CPEB4: variants seen among roughly 807,000 people sequenced by gnomAD.
CPEB4 encodes the protein cytoplasmic polyadenylation element binding protein 4.
Under a neutral mutation model 72.5 loss-of-function variants are expected in CPEB4, and 12 were observed. The observed-to-expected ratio is 0.17, with a 90% CI of 0.11 to 0.27. The LOEUF is 0.27. Among genes scored for constraint, CPEB4 ranks in the 10% least tolerant of loss-of-function variants. The pLI, the probability that CPEB4 is intolerant of heterozygous loss-of-function variation, is 1.00. For missense variants in CPEB4, 614 were observed against 908.5 expected, an observed-to-expected ratio of 0.68 and a Z score of 4.17; for synonymous variants, 302 against 326.3, an observed-to-expected ratio of 0.93 and a Z score of 0.80.
intron 1 of CPEB4, among the ~76,000 whole-genome samples, chr5:173,903,580 A>G (rs933133954): frequency 6.6e-6 from 1 of 152,226 alleles, no homozygotes; most frequent in African/African-American, 2.4e-5. Context: ...CAAGAACTCC[A>G]GGTGATTCTG....
At chr5:173,901,055 G>T (rs1390445751) in intron 1 of CPEB4, among the ~76,000 whole-genome samples, 1 of 152,136 alleles carries the variant, frequency 6.6e-6, no homozygotes, top group Non-Finnish European at 1.5e-5. Flanking sequence ...AAGAAGAAAA[G>T]GTCTATTGAT....
At chr5:173,953,010 G>T in intron 8 of CPEB4, 81 bp from the exon 9 acceptor site, 1 of 1,103,452 alleles carries the variant, frequency 9.1e-7, no homozygotes, top group Non-Finnish European at 1.3e-6. Context: ...GAGTACAGAT[G>T]AATTGCTTTT....
chr5:173,953,697 A>G (rs1758283713), intron 9 of CPEB4, among the ~76,000 whole-genome samples: 1 of 146,754 alleles, frequency 6.8e-6, no homozygotes, highest in South Asian at 2.1e-4. Flanking sequence ...AGCAAGCCCT[A>G]TTTCTCAATG....
At chr5:173,951,995 T>G in intron 8 of CPEB4, 57 bp downstream of exon 8, 35 of 1,085,906 alleles carry the variant, frequency 3.2e-5, no homozygotes, top group Non-Finnish European at 4.7e-5. Context: ...TATGAAGATC[T>G]TCAGGATAAA....
At chr5:173,910,735 C>T (rs1222539619) in intron 2 of CPEB4, 131 bp downstream of exon 2, 1 of 638,240 alleles carries the variant, frequency 1.6e-6, no homozygotes. Flanking sequence ...CAATTTTACA[C>T]ATATACCTCT....
rs1035874180 is a variant in CPEB4, at chr5:173,956,346, C to T, written c.*209C>T. 1 of 461,234 alleles carries T rather than the reference C, an allele frequency of 2.2e-6. No homozygotes were observed. The highest frequency in any genetic ancestry group is 2.0e-5 in the African/African-American group (1 of 50,614). 28.6% of individuals were successfully genotyped at this position (461,234 alleles called of 1,614,324 possible). On this transcript the variant is annotated 3_prime_UTR_variant, in exon 10 of 10. Transcript: ENST00000265085. ...AATATGAACTCCTTTTTCGTATTGC[C>T]ATCGGGTTGCATGGAAGTTTTATTC... is the stretch of plus-strand genomic sequence containing the variant.
At chr5:173,924,255 GA>G (rs1442126175) in intron 2 of CPEB4, among the ~76,000 whole-genome samples, 1 of 152,140 alleles carries the variant, frequency 6.6e-6, no homozygotes, top group Non-Finnish European at 1.5e-5. Context: ...TTATTGAAAA[GA>G]AAAATTTTAG....
intron 1 of CPEB4, among the ~76,000 whole-genome samples, chr5:173,897,989 A>G (rs1756086227): frequency 6.6e-6 from 1 of 152,178 alleles, no homozygotes; most frequent in African/African-American, 2.4e-5. Context: ...TCAGCTACCT[A>G]TAGGTGCTCA....
In CPEB4 at chr5:173,900,889, C is replaced by G. The variant is rs116140991; in HGVS notation, c.1126-9634C>G. Reference sequence around the variant, plus strand: ...AGATTTATAAGGGAGGTGCTATTATCCTCGTTTTGCTGATGAAATTAAGGT... The same window carrying G: ...AGATTTATAAGGGAGGTGCTATTATGCTCGTTTTGCTGATGAAATTAAGGT... On this transcript the variant is annotated intron_variant, in intron 1 of 9. Coordinates refer to ENST00000265085, the MANE Select transcript of CPEB4 (RefSeq NM_030627.4). This position sits in a 1 kb window ranked among gnomAD's most constrained non-coding sequence, Gnocchi z 4.4. Among the ~76,000 whole-genome samples, 2,470 of 152,200 alleles carry G rather than the reference C, an allele frequency of 0.016. 31 individuals carry two copies. The highest frequency in any genetic ancestry group is 0.048 in the South Asian group (233 of 4,812).
Position 173,910,168 on chromosome 5 carries a change from A to G in CPEB4, c.1126-355A>G, listed in dbSNP as rs114463772. Reference sequence around the variant, plus strand: ...GATAACTAGTGGGACAAGTTTGGAAAGCTTTGCCACGTTTTTGCAATCTTA... The same window carrying G: ...GATAACTAGTGGGACAAGTTTGGAAGGCTTTGCCACGTTTTTGCAATCTTA... On this transcript the variant is annotated intron_variant, in intron 1 of 9. Coordinates refer to ENST00000265085, the MANE Select transcript of CPEB4 (RefSeq NM_030627.4). 4.3e-3 allele frequency among the ~76,000 whole-genome samples: 658 copies of G among 152,288 alleles called. 3 individuals are homozygous for G. Among genetic ancestry groups the G allele is most frequent in the Admixed American group, 7.5e-3 (115 of 15,300 alleles).
At position 173,904,138 on chromosome 5, in the gene CPEB4, C is replaced by T. The variant is rs542412294; in HGVS notation, c.1126-6385C>T. 2.0e-5 allele frequency among the ~76,000 whole-genome samples: 3 copies of T among 152,280 alleles called. No homozygotes were observed. In the South Asian group the frequency reaches 6.2e-4, roughly 32 times the overall value. On this transcript the variant is annotated intron_variant, in intron 1 of 9. Coordinates refer to ENST00000265085, the MANE Select transcript of CPEB4 (RefSeq NM_030627.4). ...TTCATGATTACTAAGCTCACATGTTCTAGAGTCAGAAGGTCTGGGTTCACA... is the reference window on the plus strand; with the variant it reads ...TTCATGATTACTAAGCTCACATGTTTTAGAGTCAGAAGGTCTGGGTTCACA...
intron 2 of CPEB4, among the ~76,000 whole-genome samples, chr5:173,923,494 G>T (rs1474593830): frequency 6.6e-6 from 1 of 152,100 alleles, no homozygotes; most frequent in Non-Finnish European, 1.5e-5. Flanking sequence ...AGAGCCATTT[G>T]TCAAAATTAT....
chr5:173,938,487 A>C (rs1757709772), intron 3 of CPEB4, among the ~76,000 whole-genome samples: 1 of 151,742 alleles, frequency 6.6e-6, no homozygotes. Context: ...CAACCTCCCA[A>C]AGTGCTGGGG....
At chr5:173,922,075 A>G (rs1371171428) in intron 2 of CPEB4, among the ~76,000 whole-genome samples, 1 of 152,218 alleles carries the variant, frequency 6.6e-6, no homozygotes, top group Non-Finnish European at 1.5e-5. Flanking sequence ...TACAAGGGTC[A>G]ATATAGGAGG....
In CPEB4 at chr5:173,890,764, A is replaced by C; in HGVS notation, c.1031A>C (p.Gln344Pro). 6.2e-7 allele frequency: 1 copy of C among 1,614,214 alleles called. No individual in the cohort carries two copies. Among genetic ancestry groups the C allele is most frequent in the Non-Finnish European group, 8.5e-7 (1 of 1,180,034 alleles). ...AAAAATTTTGCAAGCAATCATATTC[A>C]GCTCCAGAAGTATGCTCGCCCCAGC... ...LKKNFASNHI[Q>P]LQKYARPSSA... Residue 344 changes from glutamine to proline, a missense_variant, in exon 1 of 10, where the codon CAG becomes CCG. Physicochemically the swap from Gln to Pro is moderately conservative, Grantham distance 76 (BLOSUM62 -1). Transcript: ENST00000265085.
Position 173,890,757 on chromosome 5 carries a change from C to A in CPEB4, c.1024C>A (p.His342Asn), listed in dbSNP as rs1755783064. Reference sequence around the variant, plus strand: ...TTTGAAGAAAAATTTTGCAAGCAATCATATTCAGCTCCAGAAGTATGCTCG... The same window carrying A: ...TTTGAAGAAAAATTTTGCAAGCAATAATATTCAGCTCCAGAAGTATGCTCG... ...SPLKKNFASNHIQLQKYARPS... is the reference protein window; with the variant it reads ...SPLKKNFASNNIQLQKYARPS... The change falls in exon 1 of 10, where the codon CAT (histidine) becomes AAT (asparagine). Residue 342 changes from histidine to asparagine, a missense_variant. Physicochemically the swap from His to Asn is moderately conservative, Grantham distance 68. Around this residue, in one of 5 missense-constraint regions of CPEB4, gnomAD observed 458 missense variants for 548.6 expected, o/e 0.83. Transcript: ENST00000265085. The A allele has an allele frequency of 1.2e-6, 2 of 1,614,084 alleles. No homozygotes were observed. The highest frequency in any genetic ancestry group is 1.7e-6 in the Non-Finnish European group (2 of 1,180,044).
In CPEB4 at chr5:173,889,680, T is replaced by G; in HGVS notation, c.-54T>G. On this transcript the variant is annotated 5_prime_UTR_variant, in exon 1 of 10. Transcript: ENST00000265085. ...TTTGGGGTAGAGGAAAAAAAAGGCG[T>G]GAGACATCAGGTTGTCATTTTTTAT... 6 of 1,459,640 alleles carry G rather than the reference T, an allele frequency of 4.1e-6. No individual in the cohort carries two copies. The highest frequency in any genetic ancestry group is 5.5e-6 in the Non-Finnish European group (6 of 1,083,840). The allele number at this position is 1,459,640 out of a possible 1,614,324, so 90.4% of individuals were successfully genotyped here.
chr5:173,897,503 A>G (rs1330855634), intron 1 of CPEB4, among the ~76,000 whole-genome samples: 1 of 152,208 alleles, frequency 6.6e-6, no homozygotes, highest in Admixed American at 6.5e-5. Flanking sequence ...GGACTGTCAT[A>G]AAAAATGAAT....
intron 1 of CPEB4, among the ~76,000 whole-genome samples, chr5:173,907,473 A>C (rs531460122): frequency 1.3e-5 from 2 of 152,352 alleles, no homozygotes; most frequent in African/African-American, 4.8e-5. Flanking sequence ...CCGGAAATTC[A>C]TAAGGTTGCT....
Sources: gnomAD v4.1 joint callset for allele counts (sites outside exome capture counted in the v4.1 genomes callset) on GRCh38, gnomAD v4.1.1 for gene constraint, gnomAD v4.1.1 regional missense constraint, Gnocchi (gnomAD v3.1) non-coding constraint, MANE v1.5 for transcripts, NCBI Gene and HGNC (gene_info 2026-07-23, HGNC 2026-07-21) for gene names.